Variants in TBC1D8 observed in about 807,000 individuals in gnomAD.
TBC1D8 encodes the protein TBC1 domain family member 8.
A neutral mutation model predicts 118.8 loss-of-function variants in TBC1D8; 65 were observed. The observed-to-expected ratio is 0.55, with a 90% CI of 0.45 to 0.67. The LOEUF is 0.67. TBC1D8 is among the 30% of genes least tolerant of loss of function. The pLI, the probability that TBC1D8 is intolerant of heterozygous loss-of-function variation, is 0.00. For missense variants in TBC1D8, 1,376 were observed against 1,471.2 expected, an observed-to-expected ratio of 0.94 and a Z score of 1.06; for synonymous variants, 566 against 595.8, an observed-to-expected ratio of 0.95 and a Z score of 0.73.
At chr2:101,073,850 A>T (rs1044543926) in intron 2 of TBC1D8, among the ~76,000 whole-genome samples, 9 of 152,214 alleles carry the variant, frequency 5.9e-5, no homozygotes, top group African/African-American at 2.2e-4. Flanking sequence ...TCTTGCATGG[A>T]TTAGGCTTTG....
chr2:101,011,554 G>A lies in TBC1D8; in HGVS notation c.2828-14C>T. The A allele has an allele frequency of 6.2e-7, 1 of 1,613,604 alleles. No homozygotes were observed. The highest frequency in any genetic ancestry group is 8.5e-7 in the Non-Finnish European group (1 of 1,179,600). ...TTTCAGTGAGTGCTTAAAAAAAGAT[G>A]AGAGGTTTAAATTAAACAAATTTTC... On this transcript the variant is annotated splice_polypyrimidine_tract_variant and intron_variant, in intron 17 of 19. Coordinates refer to ENST00000409318, the MANE Select transcript of TBC1D8 (RefSeq NM_001330348.2).
intron 1 of TBC1D8, among the ~76,000 whole-genome samples, chr2:101,115,065 T>C (rs1677758624): frequency 6.6e-6 from 1 of 152,214 alleles, no homozygotes; most frequent in Non-Finnish European, 1.5e-5. Context: ...CTCAGTCACG[T>C]GCGGATCCCA....
intron 1 of TBC1D8, among the ~76,000 whole-genome samples, chr2:101,121,004 A>G (rs1678072713): frequency 6.6e-6 from 1 of 152,204 alleles, no homozygotes; most frequent in Admixed American, 6.5e-5. Flanking sequence ...CCTTAGCCCT[A>G]TTAAATTCAG....
intron 2 of TBC1D8, among the ~76,000 whole-genome samples, chr2:101,080,404 A>G (rs1372059269): frequency 2.0e-5 from 3 of 152,182 alleles, no homozygotes; most frequent in Non-Finnish European, 4.4e-5. Flanking sequence ...ACCCTGGTAC[A>G]AAGTTCACAG....
chr2:101,079,452 G>A (rs917064434), intron 2 of TBC1D8, among the ~76,000 whole-genome samples: 6 of 152,074 alleles, frequency 3.9e-5, no homozygotes, highest in South Asian at 2.1e-4. Context: ...ATAGCTCACC[G>A]CAGCCTTGAA....
chr2:101,083,376 G>A (rs1052112717), intron 2 of TBC1D8, among the ~76,000 whole-genome samples: 2 of 152,116 alleles, frequency 1.3e-5, no homozygotes, highest in African/African-American at 4.8e-5. Context: ...GAGTCAGGGA[G>A]GTGACATCTC....
chr2:101,037,444 C>T (rs562469422), intron 8 of TBC1D8, 88 bp downstream of exon 8: 28 of 1,529,764 alleles, frequency 1.8e-5, no homozygotes, highest in East Asian at 4.5e-5. Flanking sequence ...TCAGGTGCCA[C>T]GTTCCATGGT....
intron 5 of TBC1D8, among the ~76,000 whole-genome samples, chr2:101,049,681 T>C (rs1681928846): frequency 1.3e-5 from 2 of 151,598 alleles, no homozygotes; most frequent in Admixed American, 6.6e-5. Context: ...TGAGCCGAGA[T>C]AGCACCGTTG....
chr2:101,107,113 G>A (rs1362582037), intron 1 of TBC1D8, among the ~76,000 whole-genome samples: 2 of 152,174 alleles, frequency 1.3e-5, no homozygotes, highest in Non-Finnish European at 2.9e-5. Flanking sequence ...ATGGCAGAGC[G>A]TGAGAGCCAG....
At chr2:101,012,445 A>AGC (rs1679287596) in intron 17 of TBC1D8, among the ~76,000 whole-genome samples, 2 of 152,224 alleles carry the variant, frequency 1.3e-5, no homozygotes, top group Non-Finnish European at 2.9e-5. Flanking sequence ...GTCGAACATG[A>AGC]TACAGCAACT....
intron 17 of TBC1D8, among the ~76,000 whole-genome samples, chr2:101,021,112 G>A (rs895875759): frequency 4.2e-4 from 64 of 152,144 alleles, no homozygotes; most frequent in African/African-American, 1.5e-3. Context: ...CACAACCACA[G>A]CACTGGGGGG....
intron 1 of TBC1D8, among the ~76,000 whole-genome samples, chr2:101,107,213 G>A (rs1279460731): frequency 6.6e-6 from 1 of 152,160 alleles, no homozygotes; most frequent in Non-Finnish European, 1.5e-5. Flanking sequence ...TCAGAGACAG[G>A]TGTGAACTCA....
At chr2:101,139,564 GC>G (rs1193139350) in intron 1 of TBC1D8, among the ~76,000 whole-genome samples, 1 of 151,976 alleles carries the variant, frequency 6.6e-6, no homozygotes, top group East Asian at 1.9e-4. Flanking sequence ...CACTGCTGAG[GC>G]CCTCCTGCCC....
At chr2:101,009,821 C>CTT (rs1553470780) in intron 19 of TBC1D8, among the ~76,000 whole-genome samples, 1 of 134,192 alleles carries the variant, frequency 7.5e-6, no homozygotes, top group African/African-American at 2.7e-5. Context: ...AAAAAAGGAG[C>CTT]TTTTTCTTTT....
At chr2:101,034,436 G>T (rs908573014) in intron 9 of TBC1D8, among the ~76,000 whole-genome samples, 2 of 152,208 alleles carry the variant, frequency 1.3e-5, no homozygotes, top group Non-Finnish European at 2.9e-5. Flanking sequence ...GGGGCCAGCA[G>T]CACGGCGCCC....
chr2:101,072,872 C>A (rs979239811), intron 2 of TBC1D8, among the ~76,000 whole-genome samples: 2 of 152,068 alleles, frequency 1.3e-5, no homozygotes, highest in African/African-American at 4.8e-5. Context: ...GAGGGATCTG[C>A]CCCCCGACCC....
At chr2:101,136,501 A>C (rs1678860504) in intron 1 of TBC1D8, among the ~76,000 whole-genome samples, 1 of 152,166 alleles carries the variant, frequency 6.6e-6, no homozygotes, top group Non-Finnish European at 1.5e-5. Flanking sequence ...AGGTATTCTA[A>C]AGGACTGAAA....
At chr2:101,052,147 T>C (rs1205259649) in intron 4 of TBC1D8, among the ~76,000 whole-genome samples, 2 of 152,238 alleles carry the variant, frequency 1.3e-5, no homozygotes, top group African/African-American at 4.8e-5. Context: ...AAAAGAGGTG[T>C]GTAAATGAGG....
chr2:101,071,237 C>T (rs1164800883), intron 2 of TBC1D8, among the ~76,000 whole-genome samples: 2 of 151,966 alleles, frequency 1.3e-5, no homozygotes, highest in South Asian at 2.1e-4. Context: ...CCCAGCTACT[C>T]GGGAGGCTGA....
Sources: gnomAD v4.1 joint callset for allele counts (sites outside exome capture counted in the v4.1 genomes callset) on GRCh38, gnomAD v4.1.1 for gene constraint, MANE v1.5 for transcripts, NCBI Gene and HGNC (gene_info 2026-07-23, HGNC 2026-07-21) for gene names.